Variants in SUGCT observed in about 807,000 individuals in gnomAD.
SUGCT encodes succinyl-CoA:glutarate-CoA transferase.
Under a neutral mutation model 55.0 loss-of-function variants are expected in SUGCT, and 41 were observed. The ratio of observed to expected loss-of-function variants is 0.74; its 90% CI spans 0.58 to 0.97. The LOEUF (loss-of-function observed/expected upper bound fraction) is 0.97, where lower values mean the gene tolerates loss of function less well. SUGCT is among the 50% of genes least tolerant of loss of function. The probability of loss-of-function intolerance (pLI) is 0.00; values close to 1 mark genes in which losing one functional copy is unlikely to be tolerated. For synonymous variants in SUGCT, 187 were observed against 200.4 expected (o/e 0.93, Z 0.56); for missense variants, 568 against 547.8 (o/e 1.04, Z -0.37).
At chr7:40,627,491 A>G (rs1304242300) in intron 12 of SUGCT, among the ~76,000 whole-genome samples, 1 of 152,206 alleles carries the variant, frequency 6.6e-6, no homozygotes, top group Non-Finnish European at 1.5e-5. Flanking sequence ...GTGGAAAGCA[A>G]CCAATCAGAG....
At chr7:40,836,477 G>A (rs951287905) in intron 13 of SUGCT, among the ~76,000 whole-genome samples, 5 of 152,106 alleles carry the variant, frequency 3.3e-5, no homozygotes, top group Admixed American at 1.3e-4. Flanking sequence ...ATTGTGTGGT[G>A]AGCGTGTGTG....
chr7:40,588,752 A>G (rs576926067), intron 12 of SUGCT, among the ~76,000 whole-genome samples: 58 of 152,316 alleles, frequency 3.8e-4, no homozygotes, highest in South Asian at 1.0e-3. Flanking sequence ...AAATTACAGG[A>G]TATGTTATTC....
At chr7:40,350,780 T>A (rs752668661) in intron 9 of SUGCT, among the ~76,000 whole-genome samples, 20 of 152,006 alleles carry the variant, frequency 1.3e-4, no homozygotes, top group Admixed American at 2.6e-4. Flanking sequence ...TCCTAATGCT[T>A]TCCCTCCCCC....
chr7:40,942,588 G>T, the SUGCT span, among the ~76,000 whole-genome samples: 1 of 152,102 alleles, frequency 6.6e-6, no homozygotes, highest in Non-Finnish European at 1.5e-5. Context: ...TGAGCTTCTT[G>T]TATTTTGATG....
intron 13 of SUGCT, among the ~76,000 whole-genome samples, chr7:40,795,335 T>C (rs1790500248): frequency 1.3e-5 from 2 of 152,156 alleles, no homozygotes; most frequent in African/African-American, 2.4e-5. Context: ...ATTTTGTAAA[T>C]AGCTACTTGC....
intron 3 of SUGCT, among the ~76,000 whole-genome samples, chr7:40,185,864 C>T (rs1286523159): frequency 2.6e-5 from 4 of 152,040 alleles, no homozygotes; most frequent in African/African-American, 4.8e-5. Flanking sequence ...TCCCTGTCTT[C>T]ACCCTTCTGA....
At chr7:40,723,945 C>A (rs1181693106) in intron 12 of SUGCT, among the ~76,000 whole-genome samples, 2 of 152,126 alleles carry the variant, frequency 1.3e-5, no homozygotes, top group Non-Finnish European at 2.9e-5. Flanking sequence ...TTGTGTATTT[C>A]CTGTCTGTTT....
chr7:40,639,835 A>G (rs1234910066), intron 12 of SUGCT, among the ~76,000 whole-genome samples: 1 of 152,104 alleles, frequency 6.6e-6, no homozygotes, highest in Non-Finnish European at 1.5e-5. Context: ...ATGTTGTAAG[A>G]ATTAAACTCA....
At chr7:40,733,340 T>C (rs973269852) in intron 12 of SUGCT, among the ~76,000 whole-genome samples, 1 of 152,146 alleles carries the variant, frequency 6.6e-6, no homozygotes, top group Non-Finnish European at 1.5e-5. Context: ...GCTCTACTTA[T>C]CAGTATTATC....
At chr7:40,497,069 C>G (rs1467974089) in intron 12 of SUGCT, among the ~76,000 whole-genome samples, 2 of 152,076 alleles carry the variant, frequency 1.3e-5, no homozygotes, top group Non-Finnish European at 2.9e-5. Context: ...TTACTTCAAT[C>G]AAAAAACTAC....
chr7:40,634,312 C>T (rs530375069), intron 12 of SUGCT, among the ~76,000 whole-genome samples: 106 of 152,246 alleles, frequency 7.0e-4, no homozygotes, highest in Non-Finnish European at 1.0e-4. Context: ...CCCCATGAGA[C>T]ACTAAATGCA....
intron 13 of SUGCT, among the ~76,000 whole-genome samples, chr7:40,750,132 C>A (rs992556635): frequency 6.6e-6 from 1 of 152,198 alleles, no homozygotes; most frequent in African/African-American, 2.4e-5. Flanking sequence ...TGCCTACTCT[C>A]AAAGCATCCT....
the SUGCT span, among the ~76,000 whole-genome samples, chr7:40,943,480 T>A: frequency 0.012 from 1,572 of 135,494 alleles, 32 homozygotes; most frequent in African/African-American, 0.041. Flanking sequence ...CCTTCCTGTG[T>A]ACATGTGTTC....
chr7:40,323,250 C>T (rs1795846617), intron 9 of SUGCT, among the ~76,000 whole-genome samples: 1 of 152,158 alleles, frequency 6.6e-6, no homozygotes, highest in Admixed American at 6.5e-5. Context: ...TTTCTGTTCT[C>T]ACTTGGCTCC....
Position 40,852,547 on chromosome 7 carries a change from C to T in SUGCT, c.1154-7769C>T, listed in dbSNP as rs183736356. Among the ~76,000 whole-genome samples the T allele has an allele frequency of 2.2e-4, 34 of 151,834 alleles. 1 individual carries two copies. The highest frequency in any genetic ancestry group is 1.2e-3 in the Admixed American group (18 of 15,182). On this transcript the variant is annotated intron_variant, in intron 13 of 13. Transcript: ENST00000335693. ...ACCCTGTGCATACTATCCCCTGCCACTTCCTGCAACTTTATCTAGTACCTC... is the reference window on the plus strand; with the variant it reads ...ACCCTGTGCATACTATCCCCTGCCATTTCCTGCAACTTTATCTAGTACCTC...
chr7:40,463,513 A>G (rs554531854), intron 11 of SUGCT, among the ~76,000 whole-genome samples: 3 of 152,202 alleles, frequency 2.0e-5, no homozygotes, highest in East Asian at 3.9e-4. Context: ...TGATTCTCCT[A>G]TGAAAAGTCC....
intron 12 of SUGCT, among the ~76,000 whole-genome samples, chr7:40,740,718 A>G (rs1362058372): frequency 6.6e-6 from 1 of 152,022 alleles, no homozygotes; most frequent in Admixed American, 6.6e-5. Flanking sequence ...GTGACCTTTT[A>G]TTATGAATAA....
intron 13 of SUGCT, among the ~76,000 whole-genome samples, chr7:40,780,263 T>C (rs1469409390): frequency 6.6e-6 from 1 of 152,232 alleles, no homozygotes; most frequent in African/African-American, 2.4e-5. Context: ...ATAATCGTGC[T>C]GTTTTCTGTT....
At chr7:40,486,291 A>G (rs945586748) in intron 11 of SUGCT, among the ~76,000 whole-genome samples, 2 of 152,100 alleles carry the variant, frequency 1.3e-5, no homozygotes, top group Admixed American at 6.5e-5. Context: ...TCTCATGATC[A>G]TTTGTATTTT....
Sources: allele counts gnomAD v4.1 joint callset (sites outside exome capture counted in the v4.1 genomes callset), GRCh38; gene constraint gnomAD v4.1.1; transcripts MANE v1.5; gene names NCBI Gene and HGNC (gene_info 2026-07-23, HGNC 2026-07-21).